The following RELN variants were observed in gnomAD, a reference collection of about 807,000 sequenced individuals.
RELN encodes the protein reelin.
In RELN, 108 loss-of-function variants were observed where a neutral mutation model predicts 427.6. The observed-to-expected ratio is 0.25, with a 90% CI of 0.22 to 0.30. The LOEUF is 0.30. Ranked by LOEUF, RELN falls within the 10% of genes least tolerant of loss-of-function variation. RELN has a pLI of 1.00. For synonymous variants in RELN, 1,524 were observed against 1,513.4 expected (o/e 1.01, Z -0.16); for missense variants, 3,715 against 4,302.8 (o/e 0.86, Z 3.82).
chr7:103,472,733 T>A lies in RELN; in HGVS notation c.*79A>T. ...AGTCCTTCACAGATATTTCCTGATATCAGATGTAGTGCGAGATTTAAAAGA... is the reference window on the plus strand; with the variant it reads ...AGTCCTTCACAGATATTTCCTGATAACAGATGTAGTGCGAGATTTAAAAGA... On this transcript the variant is annotated 3_prime_UTR_variant, in exon 65 of 65. Transcript: ENST00000428762. 4.5e-6 allele frequency: 5 copies of A among 1,117,698 alleles called. No homozygotes were observed. In the South Asian group the frequency reaches 5.1e-5, roughly 11 times the overall value. The allele number at this position is 1,117,698 out of a possible 1,614,324, so 69.2% of individuals were successfully genotyped here.
chr7:103,632,358 T>C (rs1196295733), intron 19 of RELN, among the ~76,000 whole-genome samples: 2 of 152,222 alleles, frequency 1.3e-5, no homozygotes, highest in Non-Finnish European at 2.9e-5. Context: ...ATCTGGCACA[T>C]AATAAGGACT....
chr7:103,826,848 G>A (rs568059345), intron 3 of RELN, among the ~76,000 whole-genome samples: 1 of 152,164 alleles, frequency 6.6e-6, no homozygotes, highest in South Asian at 2.1e-4. Context: ...GAAGTGCCAA[G>A]TACAATAGTA....
chr7:103,757,111 T>C (rs1791179024), intron 4 of RELN, among the ~76,000 whole-genome samples: 1 of 152,184 alleles, frequency 6.6e-6, no homozygotes, highest in Non-Finnish European at 1.5e-5. Flanking sequence ...CATTATTTAG[T>C]ATACTCCCAT....
At chr7:103,747,127 A>G (rs1055849900) in intron 6 of RELN, among the ~76,000 whole-genome samples, 10 of 152,208 alleles carry the variant, frequency 6.6e-5, no homozygotes, top group Non-Finnish European at 1.2e-4. Context: ...CATGGATGAA[A>G]CTGGAAACCA....
chr7:103,782,209 A>G (rs745541), intron 3 of RELN, among the ~76,000 whole-genome samples: 113,169 of 152,042 alleles, frequency 0.74, 42,267 homozygotes, highest in South Asian at 0.86. Context: ...AAAAGCATTT[A>G]TTGTCATGAT....
chr7:103,745,994 T>C (rs1790814327), intron 6 of RELN, among the ~76,000 whole-genome samples: 1 of 152,082 alleles, frequency 6.6e-6, no homozygotes, highest in Non-Finnish European at 1.5e-5. Context: ...GCTGGAGGCA[T>C]CACGCTACCT....
intron 39 of RELN, 41 bp downstream of exon 39, chr7:103,553,619 G>A: frequency 6.2e-7 from 1 of 1,612,094 alleles, no homozygotes; most frequent in Non-Finnish European, 8.5e-7. Context: ...ATCATGATTT[G>A]TATACAGCAG....
chr7:103,602,166 T>C (rs1831685962), intron 24 of RELN, among the ~76,000 whole-genome samples: 1 of 152,244 alleles, frequency 6.6e-6, no homozygotes, highest in Non-Finnish European at 1.5e-5. Flanking sequence ...TGAAGTGTTC[T>C]ACATGATTTA....
intron 10 of RELN, among the ~76,000 whole-genome samples, chr7:103,690,102 T>C (rs1486150681): frequency 6.6e-6 from 1 of 152,154 alleles, no homozygotes; most frequent in African/African-American, 2.4e-5. Flanking sequence ...ATGCTATCAA[T>C]ACTTCTACTA....
intron 16 of RELN, among the ~76,000 whole-genome samples, chr7:103,646,299 CA>C (rs1013731162): frequency 6.6e-5 from 10 of 150,664 alleles, no homozygotes; most frequent in Admixed American, 2.0e-4. Context: ...AAATAGAGAT[CA>C]AAAAAAATTC....
intron 11 of RELN, among the ~76,000 whole-genome samples, chr7:103,667,668 C>G (rs1256137229): frequency 6.6e-6 from 1 of 152,160 alleles, no homozygotes; most frequent in African/African-American, 2.4e-5. Context: ...TTTCATTAAG[C>G]AGTCAAACTT....
intron 5 of RELN, 60 bp from the exon 6 acceptor site, chr7:103,749,564 C>A: frequency 8.5e-7 from 1 of 1,176,030 alleles, no homozygotes. Context: ...TTTAGCTAAA[C>A]ACAAGTGCCA....
intron 8 of RELN, among the ~76,000 whole-genome samples, chr7:103,720,173 TTGTG>T (rs72036005): frequency 9.9e-4 from 144 of 145,652 alleles, no homozygotes; most frequent in Middle Eastern, 3.6e-3. Context: ...TGTATAAACA[TTGTG>T]TGTGTGTGTG....
intron 16 of RELN, among the ~76,000 whole-genome samples, chr7:103,649,968 AAG>A (rs1377936661): frequency 6.6e-6 from 1 of 152,096 alleles, no homozygotes; most frequent in Non-Finnish European, 1.5e-5. Context: ...ACAACATTCA[AAG>A]AAAATGTTAG....
At chr7:103,878,793 C>A (rs1794542480) in intron 2 of RELN, among the ~76,000 whole-genome samples, 1 of 152,186 alleles carries the variant, frequency 6.6e-6, no homozygotes, top group Admixed American at 6.5e-5. Flanking sequence ...TTAAAAATAT[C>A]TGTCTAAATG....
At chr7:103,584,197 C>T (rs1423863329) in intron 28 of RELN, among the ~76,000 whole-genome samples, 1 of 152,196 alleles carries the variant, frequency 6.6e-6, no homozygotes, top group Non-Finnish European at 1.5e-5. Flanking sequence ...CAACAAAAGG[C>T]ACAGAATTTC....
At chr7:103,646,336 G>A (rs921857404) in intron 16 of RELN, among the ~76,000 whole-genome samples, 3 of 151,722 alleles carry the variant, frequency 2.0e-5, no homozygotes, top group Non-Finnish European at 4.4e-5. Context: ...TGAAAAAGTT[G>A]TTCTTTTAAA....
intron 3 of RELN, among the ~76,000 whole-genome samples, chr7:103,793,446 G>A (rs903703446): frequency 6.6e-6 from 1 of 152,126 alleles, no homozygotes; most frequent in East Asian, 1.9e-4. Context: ...TCCTCACCTA[G>A]AAATACACTC....
At chr7:103,891,009 G>A (rs567197600) in intron 2 of RELN, among the ~76,000 whole-genome samples, 47 of 152,204 alleles carry the variant, frequency 3.1e-4, no homozygotes, top group Non-Finnish European at 6.2e-4. Flanking sequence ...TTGAATCTGG[G>A]AGGCAGAGGT....
Sources: allele counts gnomAD v4.1 joint callset (sites outside exome capture counted in the v4.1 genomes callset), GRCh38; gene constraint gnomAD v4.1.1; transcripts MANE v1.5; gene names NCBI Gene and HGNC (gene_info 2026-07-23, HGNC 2026-07-21).